GRM8: variants seen among roughly 807,000 people sequenced by gnomAD.
GRM8 encodes the protein glutamate metabotropic receptor 8, also known as metabotropic glutamate receptor 8.
GRM8 carries 47 observed loss-of-function variants against 87.2 expected under a neutral mutation model. The ratio of observed to expected loss-of-function variants is 0.54; its 90% confidence interval spans 0.43 to 0.69. The LOEUF (loss-of-function observed/expected upper bound fraction) is 0.69. Among genes scored for constraint, GRM8 ranks in the 30% least tolerant of loss-of-function variants. The probability of loss-of-function intolerance (pLI) is 0.00; values close to 1 mark genes in which losing one functional copy is unlikely to be tolerated. For missense variants in GRM8, 1,019 were observed against 1,139.2 expected (o/e 0.89, Z 1.52); for synonymous variants, 396 against 404.5 (o/e 0.98, Z 0.25).
At chr7:127,216,211 C>T (rs1015176009) in intron 2 of GRM8, among the ~76,000 whole-genome samples, 1 of 152,138 alleles carries the variant, frequency 6.6e-6, no homozygotes, top group Non-Finnish European at 1.5e-5. Flanking sequence ...GTAGAGATTG[C>T]CTGGAGCATT....
At chr7:127,044,304 G>A (rs1818721820) in intron 3 of GRM8, among the ~76,000 whole-genome samples, 1 of 152,126 alleles carries the variant, frequency 6.6e-6, no homozygotes, top group Non-Finnish European at 1.5e-5. Flanking sequence ...CCACCATCAG[G>A]TGGACAGCCC....
At chr7:126,980,148 G>T (rs1484283854) in intron 3 of GRM8, among the ~76,000 whole-genome samples, 1 of 152,114 alleles carries the variant, frequency 6.6e-6, no homozygotes, top group Non-Finnish European at 1.5e-5. Context: ...TCCCACTTAA[G>T]GTCAGAGTAT....
intron 2 of GRM8, among the ~76,000 whole-genome samples, chr7:127,124,912 A>G (rs1204490961): frequency 1.3e-5 from 2 of 152,164 alleles, no homozygotes; most frequent in African/African-American, 2.4e-5. Flanking sequence ...GTGTAGAAAA[A>G]GCATTTGAAA....
At chr7:126,904,241 A>T in intron 4 of GRM8, 115 bp from the exon 5 acceptor site, 2 of 837,026 alleles carry the variant, frequency 2.4e-6, no homozygotes, top group East Asian at 5.1e-5. Flanking sequence ...CTGTTTAACA[A>T]TTAAGACGAT....
At chr7:126,695,951 A>C (rs1809333337) in intron 7 of GRM8, among the ~76,000 whole-genome samples, 1 of 152,180 alleles carries the variant, frequency 6.6e-6, no homozygotes, top group South Asian at 2.1e-4. Flanking sequence ...CATAAGAGGC[A>C]ACATATGATC....
intron 3 of GRM8, among the ~76,000 whole-genome samples, chr7:127,005,847 T>C (rs528340209): frequency 2.0e-5 from 3 of 152,038 alleles, no homozygotes; most frequent in Non-Finnish European, 4.4e-5. Context: ...ACTGATTTTA[T>C]GTAAACTTTT....
intron 2 of GRM8, among the ~76,000 whole-genome samples, chr7:127,142,006 C>T (rs995840407): frequency 4.6e-5 from 7 of 151,830 alleles, no homozygotes; most frequent in Non-Finnish European, 1.0e-4. Flanking sequence ...TTTAAGAGAC[C>T]GGGTCTTGGT....
chr7:126,811,360 T>C (rs986797078), intron 6 of GRM8, among the ~76,000 whole-genome samples: 3 of 152,018 alleles, frequency 2.0e-5, no homozygotes, highest in African/African-American at 7.2e-5. Flanking sequence ...TTTTTTTCTT[T>C]GGTTTCATAC....
intron 2 of GRM8, among the ~76,000 whole-genome samples, chr7:127,203,025 G>A (rs1281423414): frequency 1.3e-5 from 2 of 152,256 alleles, no homozygotes; most frequent in African/African-American, 4.8e-5. Flanking sequence ...TGTCTTTGAG[G>A]CCAAATGCTA....
intron 2 of GRM8, among the ~76,000 whole-genome samples, chr7:127,159,490 G>C (rs1274883108): frequency 1.3e-5 from 2 of 151,928 alleles, no homozygotes; most frequent in Non-Finnish European, 2.9e-5. Flanking sequence ...CTGTATAAAA[G>C]CTTGCAGCAT....
intron 3 of GRM8, among the ~76,000 whole-genome samples, chr7:126,998,921 T>C (rs1398504659): frequency 6.6e-6 from 1 of 151,858 alleles, no homozygotes; most frequent in Non-Finnish European, 1.5e-5. Context: ...ATGATTTATA[T>C]GGAACTACAA....
rs1195560239 is a variant in GRM8, at chr7:126,739,880, G to A, written c.1357+29985C>T. ...CTAATACAATTGCCTACAGTGTTCA[G>A]TACAGTAACATGCTGTACAGGTATA... On this transcript the variant is annotated intron_variant, in intron 7 of 10. Transcript: ENST00000339582. Among the ~76,000 whole-genome samples, 3 of 152,108 alleles carry A rather than the reference G, an allele frequency of 2.0e-5. No individual in the cohort carries two copies. The East Asian group carries it at 5.8e-4, about 29-fold the overall frequency.
chr7:126,556,968 G>A (rs1463304243), intron 8 of GRM8, among the ~76,000 whole-genome samples: 1 of 152,084 alleles, frequency 6.6e-6, no homozygotes, highest in Non-Finnish European at 1.5e-5. Flanking sequence ...ATACTATTAA[G>A]TATTGTTTTC....
In GRM8 at chr7:126,903,565, TACACACACACAC is replaced by T. The variant is rs35182354; in HGVS notation, c.1018+395_1018+406del. Among the ~76,000 whole-genome samples the T allele has an allele frequency of 1.9e-3, 222 of 118,566 alleles. 4 individuals are homozygous for T. Among genetic ancestry groups the T allele is most frequent in the Non-Finnish European group, 2.9e-3 (170 of 58,802 alleles). 77.8% of individuals were successfully genotyped at this position (118,566 alleles called of 152,430 possible). ...TAATGGGTCCTCTTTCCTAAATACA[TACACACACACAC>T]ACACACACACACACACACACACACT... On this transcript the variant is annotated intron_variant, in intron 5 of 10. Transcript: ENST00000339582.
At position 126,810,851 on chromosome 7, in the gene GRM8, T is replaced by A. The variant is rs117313970; in HGVS notation, c.1157-40786A>T. ...AGAAACTTGAGGTTATCAAACAGGA[T>A]ATGTTATCCCTCACTAATTTAAGGT... is the stretch of plus-strand genomic sequence containing the variant. On this transcript the variant is annotated intron_variant, in intron 6 of 10. Transcript: ENST00000339582. Among the ~76,000 whole-genome samples the A allele has an allele frequency of 2.9e-3, 442 of 152,224 alleles. 1 individual carries two copies. Among genetic ancestry groups the A allele is most frequent in the Non-Finnish European group, 4.8e-3 (329 of 67,962 alleles).
chr7:127,085,848 C>T (rs967921832), intron 3 of GRM8, among the ~76,000 whole-genome samples: 17 of 152,088 alleles, frequency 1.1e-4, no homozygotes, highest in African/African-American at 2.4e-4. Flanking sequence ...GTTGCCATTG[C>T]TTTTGGTGTT....
At chr7:126,466,736 G>A (rs1299705825) in intron 9 of GRM8, among the ~76,000 whole-genome samples, 1 of 151,816 alleles carries the variant, frequency 6.6e-6, no homozygotes, top group Non-Finnish European at 1.5e-5. Context: ...GTACCTTTTT[G>A]TTCTATTCAG....
At chr7:126,516,470 G>T (rs1466588443) in intron 9 of GRM8, among the ~76,000 whole-genome samples, 1 of 151,924 alleles carries the variant, frequency 6.6e-6, no homozygotes, top group Non-Finnish European at 1.5e-5. Flanking sequence ...GAAGCAGAAG[G>T]TATTTTTTTT....
In GRM8 at chr7:126,788,420, A is replaced by AACAAAAAACAAAAAAC. The variant is rs1554492201; in HGVS notation, c.1157-18356_1157-18355insGTTTTTTGTTTTTTGT. 6.2e-5 allele frequency among the ~76,000 whole-genome samples: 5 copies of AACAAAAAACAAAAAAC among 81,132 alleles called. 1 individual carries two copies. The highest frequency in any genetic ancestry group is 2.3e-4 in the African/African-American group (5 of 21,824). The allele number at this position is 81,132 out of a possible 152,430, so 53.2% of individuals were successfully genotyped here. On this transcript the variant is annotated intron_variant, in intron 6 of 10. Coordinates refer to ENST00000339582, the MANE Select transcript of GRM8 (RefSeq NM_000845.3). ...GCAAGACTCCATCTCAAAAAAAAAA[A>AACAAAAAACAAAAAAC]AAACCCTTTCAGATATCTTTAACAT...
Sources: allele counts gnomAD v4.1 joint callset (sites outside exome capture counted in the v4.1 genomes callset), GRCh38; gene constraint gnomAD v4.1.1; transcripts MANE v1.5; gene names NCBI Gene and HGNC (gene_info 2026-07-23, HGNC 2026-07-21).